Variants in ITGA8 observed in about 807,000 individuals in gnomAD.
The protein encoded by ITGA8 is integrin subunit alpha 8.
In ITGA8, 91 loss-of-function variants were observed where a neutral mutation model predicts 142.3. That is an observed-to-expected ratio of 0.64 (90% confidence interval 0.54 to 0.76). The LOEUF (loss-of-function observed/expected upper bound fraction) is 0.76, where lower values mean the gene tolerates loss of function less well. Among genes scored for constraint, ITGA8 ranks in the 30% least tolerant of loss-of-function variants. The pLI, the probability that ITGA8 is intolerant of heterozygous loss-of-function variation, is 0.00. For missense variants in ITGA8, 1,406 were observed against 1,327.7 expected (o/e 1.06, Z -0.92); for synonymous variants, 505 against 485.2 (o/e 1.04, Z -0.54).
intron 23 of ITGA8, among the ~76,000 whole-genome samples, chr10:15,579,357 TGTAA>T (rs1223570895): frequency 2.0e-5 from 3 of 152,258 alleles, no homozygotes; most frequent in South Asian, 4.1e-4. Context: ...CTTTTTTTAC[TGTAA>T]GTAATGACAG....
At chr10:15,572,582 TG>T (rs893270435) in intron 24 of ITGA8, among the ~76,000 whole-genome samples, 1 of 152,222 alleles carries the variant, frequency 6.6e-6, no homozygotes, top group Non-Finnish European at 1.5e-5. Flanking sequence ...CTCTTCAATC[TG>T]TGAAGCTCTA....
At position 15,569,257 on chromosome 10, in the gene ITGA8, C is replaced by T. The variant is rs139158578; in HGVS notation, c.2637+2954G>A. ...CAGCTTTAGAAAGCTGGGGAGAGAG[C>T]GCCTCTCTTACAGGCCCACGGTGGC... On this transcript the variant is annotated intron_variant, in intron 25 of 29. Transcript: ENST00000378076. 2.4e-3 allele frequency among the ~76,000 whole-genome samples: 370 copies of T among 152,240 alleles called. 3 individuals carry two copies. Among genetic ancestry groups the T allele is most frequent in the African/African-American group, 8.3e-3 (346 of 41,548 alleles).
At chr10:15,581,704 A>G (rs1295161854) in intron 23 of ITGA8, among the ~76,000 whole-genome samples, 3 of 152,228 alleles carry the variant, frequency 2.0e-5, no homozygotes, top group Non-Finnish European at 2.9e-5. Flanking sequence ...GAAATGTGCA[A>G]ACAAAAAACT....
intron 4 of ITGA8, among the ~76,000 whole-genome samples, chr10:15,679,157 T>C (rs1390003016): frequency 6.6e-6 from 1 of 152,200 alleles, no homozygotes; most frequent in Non-Finnish European, 1.5e-5. Context: ...TGAAGGCAGA[T>C]AGGTCTGTCA....
chr10:15,612,638 C>G (rs140371795), intron 15 of ITGA8, among the ~76,000 whole-genome samples: 1 of 152,206 alleles, frequency 6.6e-6, no homozygotes. Context: ...GGAACACTTT[C>G]AGGAGTCATA....
At chr10:15,564,744 C>G (rs1419770478) in intron 25 of ITGA8, among the ~76,000 whole-genome samples, 1 of 152,184 alleles carries the variant, frequency 6.6e-6, no homozygotes, top group Non-Finnish European at 1.5e-5. Context: ...GCCCTGTGAA[C>G]CCAAACAAAA....
intron 4 of ITGA8, among the ~76,000 whole-genome samples, chr10:15,679,089 A>G (rs1033251794): frequency 1.3e-5 from 2 of 152,086 alleles, no homozygotes; most frequent in African/African-American, 2.4e-5. Context: ...ATCTTTGACT[A>G]TATTCCAAAT....
At chr10:15,662,943 T>C (rs531286383) in intron 8 of ITGA8, among the ~76,000 whole-genome samples, 58 of 152,304 alleles carry the variant, frequency 3.8e-4, no homozygotes, top group African/African-American at 1.3e-3. Flanking sequence ...TTAACCTTTT[T>C]TGAGTCATGA....
chr10:15,698,065 A>G (rs1401526383), intron 2 of ITGA8, among the ~76,000 whole-genome samples: 1 of 151,964 alleles, frequency 6.6e-6, no homozygotes, highest in Non-Finnish European at 1.5e-5. Context: ...CCCCTTTCCC[A>G]CCCTTTCTCC....
chr10:15,644,120 G>C lies in ITGA8; in HGVS notation c.1309C>G (p.Leu437Val), dbSNP rs1200486048. The change falls in exon 13 of 30, where the codon CTG becomes GTG. Residue 437 changes from leucine (L) to valine (V), a missense_variant. By Grantham distance (32) the Leu-to-Val change is conservative (BLOSUM62 1). Transcript: ENST00000378076. Reference sequence around the variant, plus strand: ...GCATGTGAGGCCCACACTCCTTGCAGAACTTGGGAAGGCTTGGTGTTTAAG... The same window carrying C: ...GCATGTGAGGCCCACACTCCTTGCACAACTTGGGAAGGCTTGGTGTTTAAG... ...DGLNTKPSQV[L>V]QGVWASHAVP... 1 of 1,614,016 alleles carries C rather than the reference G, an allele frequency of 6.2e-7. No homozygotes were observed. Among genetic ancestry groups the C allele is most frequent in the Non-Finnish European group, 8.5e-7 (1 of 1,180,028 alleles).
Position 15,597,001 on chromosome 10 carries a change from A to T in ITGA8, c.2211+206T>A, listed in dbSNP as rs898642173. 4 of 558,874 alleles carry T rather than the reference A, an allele frequency of 7.2e-6. No individual in the cohort carries two copies. In the African/African-American group the frequency reaches 7.5e-5, roughly 10 times the overall value. The allele number at this position is 558,874 out of a possible 1,614,324, so 34.6% of individuals were successfully genotyped here. ...AATGTATAAAGAGAAAGCATAGAAG[A>T]GCATGCATCTTTCTGTGTTTTTAGC... is the stretch of plus-strand genomic sequence containing the variant. On this transcript the variant is annotated intron_variant, in intron 21 of 29. Transcript: ENST00000378076.
chr10:15,584,955 G>A (rs147848456), intron 23 of ITGA8, among the ~76,000 whole-genome samples: 163 of 152,248 alleles, frequency 1.1e-3, no homozygotes, highest in African/African-American at 3.8e-3. Context: ...TGAGGAGGCT[G>A]AGGCCCGAGA....
rs1303381025 is a variant in ITGA8, at chr10:15,572,299, T to C, written c.2549A>G (p.Asp850Gly). The C allele has an allele frequency of 6.2e-7, 1 of 1,613,938 alleles. No homozygotes were observed. The highest frequency in any genetic ancestry group is 1.1e-5 in the South Asian group (1 of 91,068). The change falls in exon 25 of 30, where the codon GAT (aspartate) becomes GGT (glycine). Residue 850 changes from aspartate to glycine, a missense_variant. Transcript: ENST00000378076. Reference sequence around the variant, plus strand: ...ATGGAAAATATAGAGAAGAAATTCATCCCGGGCAGAGAAAGGCCAGCCCAC... The same window carrying C: ...ATGGAAAATATAGAGAAGAAATTCACCCCGGGCAGAGAAAGGCCAGCCCAC... ...LEVGWPFSAR[D>G]EFLLYIFHIQ...
At chr10:15,597,140 C>A in intron 21 of ITGA8, 67 bp downstream of exon 21, 1 of 1,276,726 alleles carries the variant, frequency 7.8e-7, no homozygotes. Context: ...AACTGGAGAG[C>A]TTTCCATTTG....
intron 25 of ITGA8, among the ~76,000 whole-genome samples, chr10:15,566,157 G>T (rs1398247175): frequency 6.6e-6 from 1 of 152,078 alleles, no homozygotes; most frequent in Non-Finnish European, 1.5e-5. Flanking sequence ...GACGGTTTCT[G>T]TGTCTCCGCT....
Position 15,621,264 on chromosome 10 carries a change from A to G in ITGA8, c.1400-4705T>C, listed in dbSNP as rs551759717. On this transcript the variant is annotated intron_variant, in intron 13 of 29. Coordinates refer to ENST00000378076, the MANE Select transcript of ITGA8 (RefSeq NM_003638.3). ...TCCCAAACTGCTGGAGGCCTTTGCT[A>G]TTGCCTCACGTTGCCTGAGAAACAT... Among the ~76,000 whole-genome samples the G allele has an allele frequency of 3.3e-5, 5 of 150,200 alleles. No individual in the cohort carries two copies. In the East Asian group the frequency reaches 9.8e-4, roughly 29 times the overall value.
chr10:15,630,830 T>A (rs577822653), intron 13 of ITGA8, among the ~76,000 whole-genome samples: 24 of 152,086 alleles, frequency 1.6e-4, no homozygotes, highest in Non-Finnish European at 2.4e-4. Context: ...TCCTATTTTT[T>A]AAAAAAAGCC....
chr10:15,702,400 C>T (rs549042459), intron 2 of ITGA8, among the ~76,000 whole-genome samples: 4 of 152,114 alleles, frequency 2.6e-5, no homozygotes, highest in African/African-American at 9.6e-5. Context: ...AAGCGATTCT[C>T]CTGCCTCAGC....
At chr10:15,668,754 T>G (rs1283606442) in intron 8 of ITGA8, among the ~76,000 whole-genome samples, 1 of 152,134 alleles carries the variant, frequency 6.6e-6, no homozygotes, top group Admixed American at 6.5e-5. Flanking sequence ...GTCTGTAAAG[T>G]ATTTTATTTC....
Sources: gnomAD v4.1 joint callset for allele counts (sites outside exome capture counted in the v4.1 genomes callset) on GRCh38, gnomAD v4.1.1 for gene constraint, MANE v1.5 for transcripts, NCBI Gene and HGNC (gene_info 2026-07-23, HGNC 2026-07-21) for gene names.